The following HOTAIR variants were observed in gnomAD, a reference collection of about 807,000 sequenced individuals.
HOTAIR encodes the protein HOX transcript antisense RNA (non-protein coding).
intron 3 of HOTAIR, among the ~76,000 whole-genome samples, chr12:53,967,063 C>T (rs1465549394): frequency 6.6e-6 from 1 of 152,192 alleles, no homozygotes; most frequent in Non-Finnish European, 1.5e-5. Context: ...GTTTTCGCCT[C>T]CTCTGGGCTC....
At chr12:53,971,334 C>T (rs1939144956) in intron 1 of HOTAIR, among the ~76,000 whole-genome samples, 1 of 152,138 alleles carries the variant, frequency 6.6e-6, no homozygotes, top group Non-Finnish European at 1.5e-5. Context: ...CTGAGTATTC[C>T]AGAACCACCC....
At chr12:53,964,070 C>G (rs1939006233) in exon 7 of HOTAIR, 1 of 152,250 alleles carries the variant, frequency 6.6e-6, no homozygotes, top group Non-Finnish European at 1.5e-5. Flanking sequence ...GGCTCTCTCT[C>G]TAGCTTCGTG....
chr12:53,972,728 G>T (rs1346919765), intron 1 of HOTAIR, among the ~76,000 whole-genome samples: 1 of 152,194 alleles, frequency 6.6e-6, no homozygotes, highest in Non-Finnish European at 1.5e-5. Context: ...AAATCAGGCA[G>T]TGGGGAAAGA....
intron 2 of HOTAIR, among the ~76,000 whole-genome samples, chr12:53,967,548 T>TA (rs1939076965): frequency 6.6e-6 from 1 of 152,352 alleles, no homozygotes; most frequent in Admixed American, 6.5e-5. Flanking sequence ...CCACTTATGT[T>TA]ACAAAATGCC....
chr12:53,964,476 A>G (rs1939013570), intron 5 of HOTAIR, among the ~76,000 whole-genome samples: 1 of 152,196 alleles, frequency 6.6e-6, no homozygotes, highest in Non-Finnish European at 1.5e-5. Context: ...CTGAAGAAAC[A>G]ATGTAACACT....
intron 5 of HOTAIR, among the ~76,000 whole-genome samples, chr12:53,964,957 AAG>A: frequency 6.6e-6 from 1 of 152,326 alleles, no homozygotes; most frequent in East Asian, 1.9e-4. Context: ...TAATCATTAC[AAG>A]TAAGGGGATA....
Position 53,973,114 on chromosome 12 carries a change from A to G in HOTAIR, n.59+1784T>C, listed in dbSNP as rs1386342591. Reference sequence around the variant, plus strand: ...TCCGAACTGATATATGACAATATCTACTTTGGATCACGTGCTCAGAGAGAG... The same window carrying G: ...TCCGAACTGATATATGACAATATCTGCTTTGGATCACGTGCTCAGAGAGAG... On this transcript the variant is annotated intron_variant and non_coding_transcript_variant, in intron 1 of 6. Transcript: ENST00000424518. This position sits in a 1 kb window ranked among gnomAD's most constrained non-coding sequence, Gnocchi z 4.3. 1 of 691,382 alleles carries G rather than the reference A, an allele frequency of 1.4e-6. No homozygotes were observed. The highest frequency in any genetic ancestry group is 2.4e-6 in the Non-Finnish European group (1 of 421,246). The allele number at this position is 691,382 out of a possible 1,614,324, so 42.8% of individuals were successfully genotyped here. A position where few individuals can be genotyped will look rare whatever the true frequency, so the allele number is the denominator to read the frequency against.
In HOTAIR at chr12:53,969,873, C is replaced by T. The variant is rs1020316473; in HGVS notation, n.60-1117G>A. Among the ~76,000 whole-genome samples the T allele has an allele frequency of 5.9e-5, 9 of 152,354 alleles. No homozygotes were observed. In the South Asian group the frequency reaches 1.2e-3, roughly 21 times the overall value. ...GTGGGATGGGCTCCTTTCCCTACCACGATCTGCTCTCTAGAACCCAGAGCA... is the reference window on the plus strand; with the variant it reads ...GTGGGATGGGCTCCTTTCCCTACCATGATCTGCTCTCTAGAACCCAGAGCA... On this transcript the variant is annotated intron_variant and non_coding_transcript_variant, in intron 1 of 6. Coordinates refer to ENST00000424518, the Ensembl canonical transcript of HOTAIR.
At chr12:53,970,147 A>T (rs975661315) in intron 1 of HOTAIR, among the ~76,000 whole-genome samples, 1 of 152,252 alleles carries the variant, frequency 6.6e-6, no homozygotes, top group African/African-American at 2.4e-5. Context: ...ACCAAGAGCC[A>T]GTGGGGAGGG....
intron 4 of HOTAIR, chr12:53,966,171 T>A (rs56811705): frequency 1.1e-4 from 17 of 151,684 alleles, no homozygotes; most frequent in African/African-American, 3.9e-4. Flanking sequence ...TCTCTCTTTT[T>A]CTCTCTCTGG....
chr12:53,968,800 A>T (rs1939102189), intron 1 of HOTAIR: 1 of 137,152 alleles, frequency 7.3e-6, no homozygotes, highest in Admixed American at 7.5e-5. Context: ...GGGGCAAAAG[A>T]TTTTTTTTTG....
chr12:53,965,355 G>A (rs182350941), intron 5 of HOTAIR, among the ~76,000 whole-genome samples: 6 of 152,362 alleles, frequency 3.9e-5, no homozygotes, highest in Non-Finnish European at 7.4e-5. Flanking sequence ...CTTTGCAGGT[G>A]GGGCCAATGT....
At chr12:53,963,431 A>G (rs564610577) in exon 7 of HOTAIR, 1 of 152,394 alleles carries the variant, frequency 6.6e-6, no homozygotes, top group East Asian at 1.9e-4. Flanking sequence ...TTCCTTAGCA[A>G]CTAAAAATCC....
rs754222686 is a variant in HOTAIR, at chr12:53,973,736, G to A, written n.59+1162C>T. On this transcript the variant is annotated intron_variant and non_coding_transcript_variant, in intron 1 of 6. Transcript: ENST00000424518. This position sits in a 1 kb window ranked among gnomAD's most constrained non-coding sequence, Gnocchi z 4.3. ...ACGCCTACTGCGGTGGCGGCGACCC[G>A]CCCGCCGAGCCCCCCTGCTCCGGCA... 13 of 1,612,468 alleles carry A rather than the reference G, an allele frequency of 8.1e-6. No homozygotes were observed. Among genetic ancestry groups the A allele is most frequent in the South Asian group, 1.1e-5 (1 of 91,070 alleles).
rs754957019 is a variant in HOTAIR, at chr12:53,973,568, C to T, written n.59+1330G>A. On this transcript the variant is annotated intron_variant and non_coding_transcript_variant, in intron 1 of 6. Transcript: ENST00000424518. This position sits in a 1 kb window ranked among gnomAD's most constrained non-coding sequence, Gnocchi z 4.3. ...ACCGGGAGTGCCTGCCTCCTTCCAC[C>T]GTCACCGAGATCCTCATGAAAAACG... 3.5e-5 allele frequency: 57 copies of T among 1,613,026 alleles called. No homozygotes were observed. Among genetic ancestry groups the T allele is most frequent in the Non-Finnish European group, 4.7e-5 (55 of 1,180,018 alleles).
Position 53,973,948 on chromosome 12 carries a change from G to C in HOTAIR, n.59+950C>G, listed in dbSNP as rs1939200201. On this transcript the variant is annotated intron_variant and non_coding_transcript_variant, in intron 1 of 6. Transcript: ENST00000424518. This position sits in a 1 kb window ranked among gnomAD's most constrained non-coding sequence, Gnocchi z 4.3. ...AGTAGGTAGCAGCGGCCGGGGAACG[G>C]GCGGGCAGCGAGGGAGGGAGCGAGA... 7.0e-7 allele frequency: 1 copy of C among 1,434,860 alleles called. No homozygotes were observed. The highest frequency in any genetic ancestry group is 9.1e-7 in the Non-Finnish European group (1 of 1,092,922). 88.9% of individuals were successfully genotyped at this position (1,434,860 alleles called of 1,614,324 possible). A position where few individuals can be genotyped will look rare whatever the true frequency, so the allele number is the denominator to read the frequency against.
intron 3 of HOTAIR, among the ~76,000 whole-genome samples, chr12:53,966,923 C>G (rs1259924219): frequency 2.0e-5 from 3 of 152,112 alleles, no homozygotes; most frequent in African/African-American, 7.2e-5. Flanking sequence ...AGGAAGGATC[C>G]CGAACTGAGA....
chr12:53,971,298 C>T (rs775554953), intron 1 of HOTAIR, among the ~76,000 whole-genome samples: 3 of 152,152 alleles, frequency 2.0e-5, no homozygotes, highest in Non-Finnish European at 2.9e-5. Flanking sequence ...GCATTGAGTG[C>T]GTAGAGGGGC....
intron 5 of HOTAIR, among the ~76,000 whole-genome samples, chr12:53,965,689 G>C (rs1037553516): frequency 4.6e-5 from 7 of 151,708 alleles, no homozygotes; most frequent in Non-Finnish European, 8.8e-5. Flanking sequence ...AGCCGGCAAG[G>C]GTAAAAAGAA....
Sources: allele counts gnomAD v4.1 joint callset (sites outside exome capture counted in the v4.1 genomes callset), GRCh38; gene constraint gnomAD v4.1.1; non-coding constraint Gnocchi (gnomAD v3.1); transcripts MANE v1.5; gene names NCBI Gene and HGNC (gene_info 2026-07-23, HGNC 2026-07-21).